COL25A1: variants seen among roughly 807,000 people sequenced by gnomAD.
COL25A1 encodes collagen alpha-1(XXV) chain.
A neutral mutation model predicts 128.4 loss-of-function variants in COL25A1; 103 were observed. The ratio of observed to expected loss-of-function variants is 0.80; its 90% confidence interval spans 0.68 to 0.94. The LOEUF (loss-of-function observed/expected upper bound fraction) is 0.94. COL25A1 is among the 40% of genes least tolerant of loss of function. The probability of loss-of-function intolerance (pLI) is 0.00; values close to 1 mark genes in which losing one functional copy is unlikely to be tolerated. For synonymous variants in COL25A1, 279 were observed against 277.2 expected, an observed-to-expected ratio of 1.01 and a Z score of -0.06; for missense variants, 745 against 840.0, an observed-to-expected ratio of 0.89 and a Z score of 1.40.
At chr4:109,018,957 G>GACAT (rs1757453139) in intron 5 of COL25A1, among the ~76,000 whole-genome samples, 1 of 152,100 alleles carries the variant, frequency 6.6e-6, no homozygotes, top group Non-Finnish European at 1.5e-5. Context: ...CTGCTATAAA[G>GACAT]ACATACCCAA....
At chr4:108,863,411 A>G in intron 20 of COL25A1, 24 bp from the exon 21 acceptor site, 1 of 1,603,606 alleles carries the variant, frequency 6.2e-7, no homozygotes, top group Non-Finnish European at 8.5e-7. Context: ...CAAAACAGGT[A>G]AATGGTCATT....
At chr4:108,953,809 T>C (rs2125952635) in intron 8 of COL25A1, among the ~76,000 whole-genome samples, 1 of 152,312 alleles carries the variant, frequency 6.6e-6, no homozygotes. Flanking sequence ...GTAGGATTTT[T>C]CTCACAAATC....
rs1343252002 is a variant in COL25A1 at position 108,810,451 on chromosome 4, A to C, written c.*3476T>G. On this transcript the variant is annotated 3_prime_UTR_variant, in exon 38 of 38. Coordinates refer to ENST00000399132, the MANE Select transcript of COL25A1 (RefSeq NM_198721.4). ...ACCTTTCTTCTGGTAGGAATTAAAG[A>C]TATTCTAATGTCCTCTATAAAATCA... 6.6e-6 allele frequency: 1 copy of C among 151,988 alleles called. No homozygotes were observed. Among genetic ancestry groups the C allele is most frequent in the African/African-American group, 2.4e-5 (1 of 41,444 alleles). 9.4% of individuals were successfully genotyped at this position (151,988 alleles called of 1,614,324 possible).
rs187888049 is a variant in COL25A1 at position 108,835,329 on chromosome 4, A to C, written c.1657-2896T>G. On this transcript the variant is annotated intron_variant, in intron 31 of 37. Coordinates refer to ENST00000399132, the MANE Select transcript of COL25A1 (RefSeq NM_198721.4). Reference sequence around the variant, plus strand: ...TATTGGTTAGACCAAGGAGTATTTAAGAAAGAAAATGCACTGGCCCTAAAA... The same window carrying C: ...TATTGGTTAGACCAAGGAGTATTTACGAAAGAAAATGCACTGGCCCTAAAA... Among the ~76,000 whole-genome samples, 1,219 of 152,332 alleles carry C rather than the reference A, an allele frequency of 8.0e-3. 18 individuals carry two copies. Among genetic ancestry groups the C allele is most frequent in the African/African-American group, 0.027 (1,119 of 41,576 alleles).
chr4:108,829,328 C>A (rs1732775357), intron 32 of COL25A1, among the ~76,000 whole-genome samples: 2 of 151,986 alleles, frequency 1.3e-5, no homozygotes, highest in Admixed American at 1.3e-4. Context: ...CAAGGTGAGA[C>A]CCTATCTCTA....
chr4:109,151,913 G>A (rs1771538628), intron 3 of COL25A1, among the ~76,000 whole-genome samples: 1 of 152,166 alleles, frequency 6.6e-6, no homozygotes. Flanking sequence ...TGAATCGTCT[G>A]TGCTTAGAGT....
At chr4:109,263,888 G>A (rs2126257722) in intron 3 of COL25A1, among the ~76,000 whole-genome samples, 1 of 152,302 alleles carries the variant, frequency 6.6e-6, no homozygotes, top group Middle Eastern at 3.4e-3. Flanking sequence ...ATTAACACTT[G>A]CTAAATGTCC....
At chr4:109,110,629 G>T (rs1766905402) in intron 3 of COL25A1, among the ~76,000 whole-genome samples, 1 of 152,054 alleles carries the variant, frequency 6.6e-6, no homozygotes, top group Non-Finnish European at 1.5e-5. Flanking sequence ...TGTTCACATT[G>T]TTCCTCGTCT....
At chr4:108,963,164 A>G (rs997577581) in intron 8 of COL25A1, among the ~76,000 whole-genome samples, 4 of 152,184 alleles carry the variant, frequency 2.6e-5, no homozygotes, top group African/African-American at 4.8e-5. Context: ...AGAATCAAAA[A>G]TATAATCCTG....
chr4:108,904,992 T>A (rs749877174), intron 13 of COL25A1, among the ~76,000 whole-genome samples: 8 of 152,176 alleles, frequency 5.3e-5, no homozygotes, highest in Non-Finnish European at 1.2e-4. Context: ...GTACTGTCAT[T>A]CAAGGGCAAC....
chr4:109,003,326 TCCA>T (rs1413340506), intron 6 of COL25A1, among the ~76,000 whole-genome samples: 1 of 152,248 alleles, frequency 6.6e-6, no homozygotes, highest in East Asian at 1.9e-4. Context: ...GGTCTGCTTA[TCCA>T]CCACAATTAC....
intron 32 of COL25A1, among the ~76,000 whole-genome samples, chr4:108,829,744 A>T (rs1019555016): frequency 4.6e-5 from 7 of 152,190 alleles, no homozygotes; most frequent in African/African-American, 1.7e-4. Context: ...ACCCCCAAAA[A>T]TTACTTAAGC....
At chr4:108,925,353 G>T (rs3863119) in intron 11 of COL25A1, among the ~76,000 whole-genome samples, 1,726 of 152,166 alleles carry the variant, frequency 0.011, 37 homozygotes, top group African/African-American at 0.039. Context: ...TGTGTGTGTG[G>T]TGGGGGCGGG....
intron 8 of COL25A1, among the ~76,000 whole-genome samples, chr4:108,944,972 T>C (rs1748553182): frequency 6.6e-6 from 1 of 152,146 alleles, no homozygotes; most frequent in Admixed American, 6.5e-5. Flanking sequence ...AAAGGGGACA[T>C]GTGGACAGAG....
chr4:109,125,807 AAC>A (rs1768543825), intron 3 of COL25A1, among the ~76,000 whole-genome samples: 1 of 152,154 alleles, frequency 6.6e-6, no homozygotes, highest in Non-Finnish European at 1.5e-5. Flanking sequence ...ATCAGATACA[AAC>A]ACAGAAAGAA....
intron 3 of COL25A1, among the ~76,000 whole-genome samples, chr4:109,260,877 AAG>A (rs1781404916): frequency 6.6e-6 from 1 of 152,216 alleles, no homozygotes; most frequent in Non-Finnish European, 1.5e-5. Context: ...TAAAAGAAAA[AAG>A]ATTTTCAAAA....
intron 3 of COL25A1, among the ~76,000 whole-genome samples, chr4:109,093,126 C>G (rs946153602): frequency 1.3e-5 from 2 of 152,204 alleles, no homozygotes; most frequent in African/African-American, 4.8e-5. Flanking sequence ...ACCCGGAGAT[C>G]TTCCAAGCAC....
intron 10 of COL25A1, 116 bp downstream of exon 10, chr4:108,940,423 A>G (rs1482848276): frequency 2.4e-6 from 2 of 830,400 alleles, no homozygotes; most frequent in Non-Finnish European, 4.2e-6. Context: ...CCCTCAACCC[A>G]CTCCACTCAC....
chr4:109,129,420 C>T (rs1466450379), intron 3 of COL25A1, among the ~76,000 whole-genome samples: 1 of 152,122 alleles, frequency 6.6e-6, no homozygotes, highest in Non-Finnish European at 1.5e-5. Flanking sequence ...TGAGCCACTG[C>T]GCCCAGCCCT....
Sources: gnomAD v4.1 joint callset for allele counts (sites outside exome capture counted in the v4.1 genomes callset) on GRCh38, gnomAD v4.1.1 for gene constraint, MANE v1.5 for transcripts, NCBI Gene and HGNC (gene_info 2026-07-23, HGNC 2026-07-21) for gene names.